MAF: variants seen among roughly 807,000 people sequenced by gnomAD.
The protein encoded by MAF is transcription factor Maf.
MAF carries 10 observed loss-of-function variants against 22.0 expected under a neutral mutation model. The observed-to-expected ratio is 0.45, with a 90% confidence interval of 0.28 to 0.77. MAF has a LOEUF of 0.77. Ranked by LOEUF, MAF falls within the 30% of genes least tolerant of loss-of-function variation. The probability of loss-of-function intolerance (pLI) is 0.12; values close to 1 mark genes in which losing one functional copy is unlikely to be tolerated. For synonymous variants in MAF, 337 were observed against 255.8 expected, an observed-to-expected ratio of 1.32 and a Z score of -3.03; for missense variants, 544 against 548.4, an observed-to-expected ratio of 0.99 and a Z score of 0.08.
the MAF span, among the ~76,000 whole-genome samples, chr16:79,233,083 G>A: frequency 6.6e-6 from 1 of 151,760 alleles, no homozygotes; most frequent in Non-Finnish European, 1.5e-5. Context: ...CTCATGATCT[G>A]CCCACCTCGG....
the MAF span, among the ~76,000 whole-genome samples, chr16:79,234,974 T>A: frequency 1.3e-5 from 2 of 152,006 alleles, no homozygotes; most frequent in South Asian, 4.1e-4. Flanking sequence ...GGACCACTGG[T>A]CCAAGGAAGA....
the MAF span, among the ~76,000 whole-genome samples, chr16:79,394,083 T>C: frequency 3.3e-5 from 5 of 152,298 alleles, no homozygotes; most frequent in Non-Finnish European, 4.4e-5. Flanking sequence ...GTTCACGTTC[T>C]TCACCGTCAT....
At chr16:79,296,344 G>C in the MAF span, among the ~76,000 whole-genome samples, 7 of 152,098 alleles carry the variant, frequency 4.6e-5, no homozygotes, top group Admixed American at 3.3e-4. Flanking sequence ...ACAGGGAGGG[G>C]AACAACACAC....
At chr16:79,276,847 G>T in the MAF span, among the ~76,000 whole-genome samples, 1 of 152,078 alleles carries the variant, frequency 6.6e-6, no homozygotes, top group African/African-American at 2.4e-5. Flanking sequence ...TAAAATCGAG[G>T]TGTCGGCAGG....
chr16:79,210,092 G>A, the MAF span, among the ~76,000 whole-genome samples: 9 of 152,146 alleles, frequency 5.9e-5, no homozygotes, highest in African/African-American at 1.7e-4. Flanking sequence ...TCATCAAGCA[G>A]CCAGTTATTA....
At chr16:79,320,109 G>A in the MAF span, among the ~76,000 whole-genome samples, 1 of 152,168 alleles carries the variant, frequency 6.6e-6, no homozygotes, top group South Asian at 2.1e-4. Context: ...GTGGTACAAA[G>A]TGGAGTATCA....
downstream of MAF, among the ~76,000 whole-genome samples, chr16:79,590,539 CAG>C (rs1913133405): frequency 6.6e-6 from 1 of 152,108 alleles, no homozygotes; most frequent in Non-Finnish European, 1.5e-5. Flanking sequence ...GAAAAGGTGT[CAG>C]AAATTATGGA....
chr16:79,509,091 G>A, the MAF span, among the ~76,000 whole-genome samples: 11 of 152,288 alleles, frequency 7.2e-5, 1 homozygote, highest in South Asian at 4.1e-4. Flanking sequence ...TTATATCTCT[G>A]TTTATCTCCT....
At chr16:79,275,428 T>C in the MAF span, among the ~76,000 whole-genome samples, 2 of 152,244 alleles carry the variant, frequency 1.3e-5, no homozygotes, top group African/African-American at 4.8e-5. Context: ...TCATTATTCA[T>C]TGAATACTCA....
the MAF span, among the ~76,000 whole-genome samples, chr16:79,225,483 A>G: frequency 6.6e-6 from 1 of 152,222 alleles, no homozygotes; most frequent in Non-Finnish European, 1.5e-5. Flanking sequence ...CTTCATGACT[A>G]AAACAGCCAA....
the MAF span, among the ~76,000 whole-genome samples, chr16:79,378,520 T>C: frequency 1.3e-5 from 2 of 152,208 alleles, no homozygotes; most frequent in Admixed American, 1.3e-4. Context: ...CATTTTTCTG[T>C]ATGTTATATG....
chr16:79,424,736 T>C, the MAF span, among the ~76,000 whole-genome samples: 1 of 152,188 alleles, frequency 6.6e-6, no homozygotes, highest in Non-Finnish European at 1.5e-5. Flanking sequence ...ACAAAAATCC[T>C]GCTGCATAAC....
intron 1 of MAF, chr16:79,596,350 A>G: frequency 9.4e-7 from 1 of 1,059,580 alleles, no homozygotes; most frequent in Non-Finnish European, 1.1e-6. Flanking sequence ...AACAGCCTAT[A>G]ATTTCACCCT....
At chr16:79,408,446 G>A in the MAF span, among the ~76,000 whole-genome samples, 1 of 152,142 alleles carries the variant, frequency 6.6e-6, no homozygotes, top group Non-Finnish European at 1.5e-5. Flanking sequence ...AAAGCGCTGG[G>A]ATTACAGGTG....
chr16:79,406,159 G>C, the MAF span, among the ~76,000 whole-genome samples: 1 of 149,808 alleles, frequency 6.7e-6, no homozygotes, highest in Non-Finnish European at 1.5e-5. Context: ...GCCTTTGGCT[G>C]TTCCCTGCTG....
At chr16:79,425,089 C>G in the MAF span, among the ~76,000 whole-genome samples, 1 of 152,060 alleles carries the variant, frequency 6.6e-6, no homozygotes, top group African/African-American at 2.4e-5. Flanking sequence ...TCCCCATATA[C>G]CCAAAGATGA....
chr16:79,227,013 G>GA, the MAF span, among the ~76,000 whole-genome samples: 4 of 151,826 alleles, frequency 2.6e-5, no homozygotes, highest in East Asian at 1.9e-4. Context: ...ACATATATTT[G>GA]AAAAAAATAA....
chr16:79,212,438 TTA>T, the MAF span: 1 of 286,566 alleles, frequency 3.5e-6, no homozygotes, highest in East Asian at 6.1e-5. Context: ...AAAAAATTCT[TTA>T]GAGATTATAA....
At chr16:79,385,706 G>T in the MAF span, among the ~76,000 whole-genome samples, 1 of 152,102 alleles carries the variant, frequency 6.6e-6, no homozygotes, top group Non-Finnish European at 1.5e-5. Context: ...TTCAAGATGA[G>T]CCTGGCCAAC....
Sources: allele counts gnomAD v4.1 joint callset (sites outside exome capture counted in the v4.1 genomes callset), GRCh38; gene constraint gnomAD v4.1.1; transcripts MANE v1.5; gene names NCBI Gene and HGNC (gene_info 2026-07-23, HGNC 2026-07-21).